Variants in IL1RAPL2 observed in about 807,000 individuals in gnomAD.
IL1RAPL2 encodes the protein interleukin 1 receptor accessory protein like 2, also known as X-linked interleukin-1 receptor accessory protein-like 2.
In IL1RAPL2, 3 loss-of-function variants were observed where a neutral mutation model predicts 44.1. The ratio of observed to expected loss-of-function variants is 0.07; its 90% CI spans 0.03 to 0.18. The LOEUF (loss-of-function observed/expected upper bound fraction) is 0.18, where lower values mean the gene tolerates loss of function less well. IL1RAPL2 is among the 10% of genes least tolerant of loss of function. The pLI is 1.00. For missense variants in IL1RAPL2, 391 were observed against 496.4 expected (o/e 0.79, Z 2.02); for synonymous variants, 181 against 178.8 (o/e 1.01, Z -0.10).
chrX:105,762,853 T>C (rs1352793727), intron 10 of IL1RAPL2, among the ~76,000 whole-genome samples: 1 of 107,817 alleles, frequency 9.3e-6, no homozygotes, highest in East Asian at 2.9e-4. Context: ...TGAGTATTCA[T>C]ATGTGCTGTG....
At chrX:105,472,722 C>T (rs912106280) in intron 5 of IL1RAPL2, among the ~76,000 whole-genome samples, 2 of 111,227 alleles carry the variant, frequency 1.8e-5, no homozygotes, top group African/African-American at 3.3e-5. Context: ...ATCGGTGTTA[C>T]GAAGACAGGG....
intron 5 of IL1RAPL2, among the ~76,000 whole-genome samples, chrX:105,450,557 G>A (rs1045260420): frequency 9.0e-6 from 1 of 111,593 alleles, no homozygotes; most frequent in African/African-American, 3.3e-5. Flanking sequence ...TCTGAGGCTA[G>A]CCTCAGCCTC....
chrX:104,671,730 T>C (rs930437998), intron 2 of IL1RAPL2, among the ~76,000 whole-genome samples: 4 of 112,114 alleles, frequency 3.6e-5, no homozygotes, highest in Admixed American at 2.9e-4. Context: ...GAATAGATGC[T>C]TGTGGATTAC....
At chrX:105,565,175 A>C (rs1238818557) in intron 6 of IL1RAPL2, among the ~76,000 whole-genome samples, 2 of 111,961 alleles carry the variant, frequency 1.8e-5, no homozygotes, top group Non-Finnish European at 3.8e-5. Context: ...GTGTTGGGAA[A>C]ATTGGTGTTT....
intron 2 of IL1RAPL2, among the ~76,000 whole-genome samples, chrX:104,681,813 T>G (rs947449917): frequency 2.7e-5 from 3 of 112,508 alleles, no homozygotes; most frequent in Non-Finnish European, 5.6e-5. Context: ...TGATTTGCCT[T>G]TCATCTTGGA....
At chrX:104,921,258 T>G (rs765094820) in intron 2 of IL1RAPL2, among the ~76,000 whole-genome samples, 5 of 97,528 alleles carry the variant, frequency 5.1e-5, no homozygotes, top group Non-Finnish European at 1.0e-4. Flanking sequence ...CCCCAGAGCT[T>G]TGCATCCTGC....
At chrX:105,732,914 C>T (rs923938184) in intron 7 of IL1RAPL2, among the ~76,000 whole-genome samples, 1 of 111,148 alleles carries the variant, frequency 9.0e-6, no homozygotes, top group African/African-American at 3.3e-5. Flanking sequence ...CTGTTAGATA[C>T]GGAATAAGAA....
rs191278420 is a variant in IL1RAPL2, at chrX:105,387,044, A to G, written c.698-97269A>G. On this transcript the variant is annotated intron_variant, in intron 5 of 10. Transcript: ENST00000372582. The stretch of plus-strand genomic sequence containing the variant: ...ATGGATGATACACATTTCACTATAT[A>G]TGTATATGCACTTATGTGCACTTAC... Among the ~76,000 whole-genome samples the G allele has an allele frequency of 7.9e-3, 882 of 111,689 alleles. 9 individuals carry two copies. The highest frequency in any genetic ancestry group is 0.012 in the Non-Finnish European group (614 of 53,126).
At position 104,695,334 on chromosome X, in the gene IL1RAPL2, C is replaced by T. The variant is rs372909047; in HGVS notation, c.82+36339C>T. 3.7e-5 allele frequency among the ~76,000 whole-genome samples: 4 copies of T among 107,216 alleles called. No individual in the cohort carries two copies. In the East Asian group the frequency reaches 1.2e-3, roughly 31 times the overall value. The allele number at this position is 107,216 out of a possible 115,157, so 93.1% of individuals were successfully genotyped here. On this transcript the variant is annotated intron_variant, in intron 2 of 10. Coordinates refer to ENST00000372582, the MANE Select transcript of IL1RAPL2 (RefSeq NM_017416.2). ...GATTCCTTTGCCTTTTGTGGGGCAG[C>T]AGGAGAGAGAGAGAAAGAGAGAGAG... is the stretch of plus-strand genomic sequence containing the variant.
At chrX:104,807,091 A>T (rs1932927729) in intron 2 of IL1RAPL2, among the ~76,000 whole-genome samples, 1 of 111,183 alleles carries the variant, frequency 9.0e-6, no homozygotes, top group Non-Finnish European at 1.9e-5. Context: ...TGGTGAAAGC[A>T]TGGTGCTCAG....
chrX:104,611,174 A>G (rs1379317320), intron 1 of IL1RAPL2, among the ~76,000 whole-genome samples: 1 of 111,479 alleles, frequency 9.0e-6, no homozygotes. Flanking sequence ...CCATTATCAG[A>G]GCTTGAACAC....
At chrX:104,594,483 C>A (rs1928726188) in intron 1 of IL1RAPL2, among the ~76,000 whole-genome samples, 1 of 111,369 alleles carries the variant, frequency 9.0e-6, no homozygotes, top group Non-Finnish European at 1.9e-5. Context: ...GTTGTTCAGA[C>A]CCAACACACT....
intron 1 of IL1RAPL2, among the ~76,000 whole-genome samples, chrX:104,627,524 A>G (rs980326549): frequency 2.7e-5 from 3 of 111,229 alleles, no homozygotes; most frequent in Non-Finnish European, 5.7e-5. Flanking sequence ...TTTAACACCA[A>G]ATAATTATGT....
At chrX:105,581,848 T>G (rs1483866517) in intron 6 of IL1RAPL2, among the ~76,000 whole-genome samples, 1 of 107,439 alleles carries the variant, frequency 9.3e-6, no homozygotes, top group African/African-American at 3.4e-5. Flanking sequence ...TACATGTATG[T>G]GAATATTTTA....
chrX:104,796,445 G>C (rs1244535506), intron 2 of IL1RAPL2, among the ~76,000 whole-genome samples: 1 of 112,238 alleles, frequency 8.9e-6, no homozygotes, highest in African/African-American at 3.2e-5. Context: ...CGGTGGTAGA[G>C]AGACTCTGGA....
intron 1 of IL1RAPL2, among the ~76,000 whole-genome samples, chrX:104,582,626 T>C (rs796136909): frequency 2.7e-4 from 17 of 63,971 alleles, no homozygotes; most frequent in African/African-American, 1.0e-3. Flanking sequence ...CTTTCTTTCT[T>C]TCTTTCTTTC....
intron 3 of IL1RAPL2, among the ~76,000 whole-genome samples, chrX:105,218,554 T>C (rs188358481): frequency 8.6e-4 from 96 of 111,326 alleles, no homozygotes; most frequent in South Asian, 7.8e-4. Context: ...GTTATACACA[T>C]GGTTGCCTCT....
intron 7 of IL1RAPL2, among the ~76,000 whole-genome samples, chrX:105,732,135 T>G (rs2038411265): frequency 8.9e-6 from 1 of 111,983 alleles, no homozygotes; most frequent in Non-Finnish European, 1.9e-5. Context: ...CTACTATATT[T>G]ATAACAGTTT....
rs974561604 is a variant in IL1RAPL2, at chrX:105,091,187, C to G, written c.83-104288C>G. ...AGTAATCTTGTATCAGTTTCCTGAT[C>G]ATACTCTAGCTTTCTTCTCCAACTG... On this transcript the variant is annotated intron_variant, in intron 2 of 10. Transcript: ENST00000372582. 3.6e-5 allele frequency among the ~76,000 whole-genome samples: 4 copies of G among 112,326 alleles called. No individual in the cohort carries two copies. The East Asian group carries it at 8.5e-4, about 24-fold the overall frequency.
Sources: allele counts gnomAD v4.1 joint callset (sites outside exome capture counted in the v4.1 genomes callset), GRCh38; gene constraint gnomAD v4.1.1; transcripts MANE v1.5; gene names NCBI Gene and HGNC (gene_info 2026-07-23, HGNC 2026-07-21).